TEAD1: variants seen among roughly 807,000 people sequenced by gnomAD.
The protein encoded by TEAD1 is TEA domain transcription factor 1, also known as transcriptional enhancer factor TEF-1.
In TEAD1, 9 loss-of-function variants were observed where a neutral mutation model predicts 54.9. The observed-to-expected ratio is 0.16, with a 90% confidence interval of 0.10 to 0.29. TEAD1 has a LOEUF of 0.29. Ranked by LOEUF, TEAD1 falls within the 10% of genes least tolerant of loss-of-function variation. The pLI is 1.00. For missense variants in TEAD1, 387 were observed against 535.9 expected, an observed-to-expected ratio of 0.72 and a Z score of 2.74; for synonymous variants, 200 against 187.8, an observed-to-expected ratio of 1.07 and a Z score of -0.53.
chr11:12,767,681 T>C (rs749015657), intron 3 of TEAD1, among the ~76,000 whole-genome samples: 9 of 152,124 alleles, frequency 5.9e-5, no homozygotes, highest in Non-Finnish European at 1.2e-4. Context: ...GCTGAGACTT[T>C]ATGTGTTTGG....
At chr11:12,879,050 CTGGCTTCAGTACGAACCCACG>C in intron 5 of TEAD1, 1 of 522,518 alleles carries the variant, frequency 1.9e-6, no homozygotes, top group Non-Finnish European at 3.0e-6. Context: ...CCCTAGGCTC[CTGGCTTCAGTACGAACCCACG>C]TAGCCTTAGC....
chr11:12,772,225 A>G (rs1249615936), intron 3 of TEAD1, among the ~76,000 whole-genome samples: 7 of 152,250 alleles, frequency 4.6e-5, no homozygotes, highest in Non-Finnish European at 8.8e-5. Context: ...CCAGGTCTTC[A>G]GAGAGTTTGA....
In TEAD1 at chr11:12,687,930, G is replaced by A. The variant is rs576265424; in HGVS notation, c.-55+12369G>A. 2.6e-5 allele frequency among the ~76,000 whole-genome samples: 4 copies of A among 152,254 alleles called. No individual in the cohort carries two copies. The South Asian group carries it at 8.3e-4, about 32-fold the overall frequency. ...AACTATTCTCTAGGTGGGTGTAGTG[G>A]GTAGGGGGACTGCTGTAGTTTGGAA... On this transcript the variant is annotated intron_variant, in intron 2 of 12. Coordinates refer to ENST00000527636, the MANE Select transcript of TEAD1 (RefSeq NM_021961.6).
At chr11:12,774,172 G>A (rs1945370580) in intron 3 of TEAD1, among the ~76,000 whole-genome samples, 1 of 152,126 alleles carries the variant, frequency 6.6e-6, no homozygotes, top group Non-Finnish European at 1.5e-5. Context: ...GTCATGCATG[G>A]GAGAGGCAGC....
chr11:12,773,838 T>C (rs1005083818), intron 3 of TEAD1, among the ~76,000 whole-genome samples: 7 of 152,232 alleles, frequency 4.6e-5, no homozygotes, highest in African/African-American at 1.7e-4. Context: ...GTCATGCTTT[T>C]GGTGTTGAGT....
At chr11:12,692,850 G>C (rs985784796) in intron 2 of TEAD1, among the ~76,000 whole-genome samples, 1 of 152,176 alleles carries the variant, frequency 6.6e-6, no homozygotes, top group Non-Finnish European at 1.5e-5. Context: ...CCTGCCAGCC[G>C]GCCCCTGCAC....
At chr11:12,789,874 C>A (rs2133959882) in intron 3 of TEAD1, among the ~76,000 whole-genome samples, 1 of 152,352 alleles carries the variant, frequency 6.6e-6, no homozygotes, top group South Asian at 2.1e-4. Flanking sequence ...CCAGGACCTG[C>A]CCAGGGGGCT....
At chr11:12,788,343 G>A (rs1945725249) in intron 3 of TEAD1, among the ~76,000 whole-genome samples, 1 of 151,974 alleles carries the variant, frequency 6.6e-6, no homozygotes, top group Non-Finnish European at 1.5e-5. Context: ...TGTTGGCCAG[G>A]CTGGTCTTGA....
chr11:12,916,725 G>A (rs1245992956), intron 10 of TEAD1, among the ~76,000 whole-genome samples: 1 of 152,248 alleles, frequency 6.6e-6, no homozygotes, highest in African/African-American at 2.4e-5. Context: ...ATGAGAAGCA[G>A]CATTCACAGA....
At chr11:12,875,489 G>T (rs1947836823) in intron 5 of TEAD1, among the ~76,000 whole-genome samples, 1 of 152,182 alleles carries the variant, frequency 6.6e-6, no homozygotes, top group Non-Finnish European at 1.5e-5. Flanking sequence ...CTGATTTCAA[G>T]ATATCCCTGG....
At chr11:12,846,576 T>G (rs1947157656) in intron 3 of TEAD1, among the ~76,000 whole-genome samples, 1 of 152,154 alleles carries the variant, frequency 6.6e-6, no homozygotes, top group Non-Finnish European at 1.5e-5. Context: ...CTGTATATAT[T>G]CCTTCTGTCT....
intron 3 of TEAD1, among the ~76,000 whole-genome samples, chr11:12,840,544 C>A (rs1467320002): frequency 6.6e-6 from 1 of 152,124 alleles, no homozygotes; most frequent in African/African-American, 2.4e-5. Flanking sequence ...TTTTCACTTT[C>A]ACGAAATAAA....
intron 3 of TEAD1, among the ~76,000 whole-genome samples, chr11:12,836,526 G>A (rs1386491837): frequency 1.3e-5 from 2 of 152,152 alleles, no homozygotes; most frequent in East Asian, 3.9e-4. Flanking sequence ...ACCCCAAACT[G>A]GAATCGTTAT....
At chr11:12,914,701 T>G (rs573000142) in intron 10 of TEAD1, among the ~76,000 whole-genome samples, 14 of 152,366 alleles carry the variant, frequency 9.2e-5, no homozygotes, top group Admixed American at 8.5e-4. Context: ...CCCCCTTCTC[T>G]CTGCCCATGG....
intron 2 of TEAD1, among the ~76,000 whole-genome samples, chr11:12,750,146 G>T (rs1034599908): frequency 6.6e-6 from 1 of 152,170 alleles, no homozygotes; most frequent in African/African-American, 2.4e-5. Context: ...GCTCGTGTCG[G>T]CATTAGTTGG....
At chr11:12,822,130 A>AT (rs1026824881) in intron 3 of TEAD1, among the ~76,000 whole-genome samples, 3 of 151,280 alleles carry the variant, frequency 2.0e-5, no homozygotes, top group African/African-American at 4.9e-5. Flanking sequence ...TGCCCGGCTA[A>AT]TTTTTTGTAT....
rs767358079 is a variant in TEAD1 at position 12,764,282 on chromosome 11, A to G, written c.50A>G (p.Glu17Gly). 2.5e-6 allele frequency: 4 copies of G among 1,614,170 alleles called. No homozygotes were observed. In the South Asian group the frequency reaches 4.4e-5, roughly 18 times the overall value. The stretch of plus-strand genomic sequence containing the variant: ...AGTGAGAGCCCTGCCGAAAACATGG[A>G]AAGGATGAGTGACTCTGCAGATAAG... Residue 17 changes from glutamate (E) to glycine (G), a missense_variant, in exon 3 of 13, where the codon GAA (glutamate) becomes GGA (glycine). Physicochemically the swap from Glu to Gly is moderately conservative, Grantham distance 98. Around this residue, in one of 5 missense-constraint regions of TEAD1, gnomAD observed 55 missense variants for 50.4 expected, o/e 1.09. Transcript: ENST00000527636.
chr11:12,779,843 A>G (rs1190112571), intron 3 of TEAD1, among the ~76,000 whole-genome samples: 1 of 152,260 alleles, frequency 6.6e-6, no homozygotes, highest in African/African-American at 2.4e-5. Flanking sequence ...TTATCTCAAC[A>G]GATACAGAAA....
At chr11:12,842,798 T>C (rs549228594) in intron 3 of TEAD1, among the ~76,000 whole-genome samples, 1 of 152,304 alleles carries the variant, frequency 6.6e-6, no homozygotes, top group Non-Finnish European at 1.5e-5. Flanking sequence ...AAAAATGAAC[T>C]AAGTAAATAT....
Sources: allele counts gnomAD v4.1 joint callset (sites outside exome capture counted in the v4.1 genomes callset), GRCh38; gene constraint gnomAD v4.1.1; regional missense constraint gnomAD v4.1.1; transcripts MANE v1.5; gene names NCBI Gene and HGNC (gene_info 2026-07-23, HGNC 2026-07-21).